The following PAPSS2 variants were observed in gnomAD, a reference collection of about 807,000 sequenced individuals.
PAPSS2 encodes the protein bifunctional 3'-phosphoadenosine 5'-phosphosulfate synthase 2.
PAPSS2 carries 61 observed loss-of-function variants against 66.5 expected under a neutral mutation model. That is an observed-to-expected ratio of 0.92 (90% CI 0.75 to 1.14). The LOEUF (loss-of-function observed/expected upper bound fraction) is 1.14, where lower values mean the gene tolerates loss of function less well. Among genes scored for constraint, PAPSS2 ranks in the 50% most tolerant of loss-of-function variants. The probability of loss-of-function intolerance (pLI) is 0.00; values close to 1 mark genes in which losing one functional copy is unlikely to be tolerated. For synonymous variants in PAPSS2, 289 were observed against 287.5 expected (o/e 1.01, Z -0.05); for missense variants, 708 against 789.6 (o/e 0.90, Z 1.24).
chr10:87,728,468 G>T (rs547721513), intron 9 of PAPSS2, among the ~76,000 whole-genome samples: 1 of 152,130 alleles, frequency 6.6e-6, no homozygotes, highest in East Asian at 1.9e-4. Flanking sequence ...GGCTGGGCGC[G>T]GTGGCTCACG....
chr10:87,687,237 G>A (rs1009028372), intron 1 of PAPSS2, among the ~76,000 whole-genome samples: 6 of 152,064 alleles, frequency 3.9e-5, no homozygotes, highest in African/African-American at 1.4e-4. Context: ...ATATAGTTGA[G>A]CTCAATAAAT....
intron 2 of PAPSS2, among the ~76,000 whole-genome samples, chr10:87,711,168 G>T (rs1338802496): frequency 6.6e-6 from 1 of 152,214 alleles, no homozygotes; most frequent in African/African-American, 2.4e-5. Flanking sequence ...TCCATGAGCT[G>T]TGTGACTTTG....
intron 1 of PAPSS2, among the ~76,000 whole-genome samples, chr10:87,690,963 C>T (rs1293193361): frequency 1.3e-5 from 2 of 152,014 alleles, no homozygotes; most frequent in Non-Finnish European, 2.9e-5. Context: ...AACTTTTGTA[C>T]CATTCTGCTT....
Position 87,727,078 on chromosome 10 carries a change from A to G in PAPSS2, c.881-206A>G, listed in dbSNP as rs116691145. 3.1e-3 allele frequency among the ~76,000 whole-genome samples: 476 copies of G among 152,334 alleles called. 3 individuals carry two copies. The highest frequency in any genetic ancestry group is 0.011 in the African/African-American group (453 of 41,572). ...TTAAAACTCAACCCACTTTTCACAT[A>G]TGCTCCACTTGCTTTGGGAAGCCCT... On this transcript the variant is annotated intron_variant, in intron 8 of 12. Coordinates refer to ENST00000456849, the MANE Select transcript of PAPSS2 (RefSeq NM_001015880.2).
intron 1 of PAPSS2, among the ~76,000 whole-genome samples, chr10:87,698,460 C>A (rs956017022): frequency 6.6e-6 from 1 of 152,064 alleles, no homozygotes; most frequent in African/African-American, 2.4e-5. Flanking sequence ...TTTCTCAAAT[C>A]ATTTCTCTCA....
At chr10:87,706,140 G>GTGTGTGTGTGTGTGTGTA (rs1304990011) in intron 1 of PAPSS2, among the ~76,000 whole-genome samples, 37 of 113,212 alleles carry the variant, frequency 3.3e-4, no homozygotes, top group South Asian at 2.1e-3. Flanking sequence ...GTGTGTGTGT[G>GTGTGTGTGTGTGTGTGTA]TATATATATA....
chr10:87,690,995 A>G (rs574395961), intron 1 of PAPSS2, among the ~76,000 whole-genome samples: 1 of 152,278 alleles, frequency 6.6e-6, no homozygotes, highest in South Asian at 2.1e-4. Flanking sequence ...CATACATCCA[A>G]CTGAGGGAGG....
At chr10:87,683,082 T>C (rs1853043084) in intron 1 of PAPSS2, among the ~76,000 whole-genome samples, 1 of 131,270 alleles carries the variant, frequency 7.6e-6, no homozygotes, top group Non-Finnish European at 1.6e-5. Context: ...TTTCTTTTCC[T>C]TTTTCTTTTT....
intron 2 of PAPSS2, 53 bp downstream of exon 2, chr10:87,709,366 G>A: frequency 9.2e-7 from 1 of 1,085,790 alleles, no homozygotes; most frequent in Non-Finnish European, 1.4e-6. Context: ...ACTGACATGT[G>A]ACACAATTTT....
At chr10:87,688,807 A>G (rs1000326886) in intron 1 of PAPSS2, among the ~76,000 whole-genome samples, 1 of 152,114 alleles carries the variant, frequency 6.6e-6, no homozygotes, top group African/African-American at 2.4e-5. Flanking sequence ...CTTCTTATTC[A>G]GACTTCTTTG....
At chr10:87,706,596 A>C (rs1263825505) in intron 1 of PAPSS2, among the ~76,000 whole-genome samples, 1 of 151,162 alleles carries the variant, frequency 6.6e-6, no homozygotes, top group Non-Finnish European at 1.5e-5. Flanking sequence ...ATCTGTACAA[A>C]AAAAAAAAAA....
chr10:87,728,741 A>AG (rs999111751), intron 9 of PAPSS2, among the ~76,000 whole-genome samples: 20 of 36,616 alleles, frequency 5.5e-4, no homozygotes, highest in African/African-American at 4.2e-3. Context: ...TGTCTGAAAG[A>AG]AAAAAAAAAG....
At chr10:87,712,420 C>A (rs1334264115) in intron 2 of PAPSS2, among the ~76,000 whole-genome samples, 2 of 152,108 alleles carry the variant, frequency 1.3e-5, no homozygotes, top group African/African-American at 2.4e-5. Context: ...TTGATTTTTT[C>A]AAGAGAATAC....
intron 1 of PAPSS2, among the ~76,000 whole-genome samples, chr10:87,683,207 C>T (rs760777405): frequency 8.6e-5 from 13 of 151,830 alleles, no homozygotes; most frequent in Non-Finnish European, 1.3e-4. Flanking sequence ...ATTCTCCTGC[C>T]TCAGCCTCCT....
chr10:87,678,099 T>G (rs777913408), intron 1 of PAPSS2, among the ~76,000 whole-genome samples: 9 of 152,142 alleles, frequency 5.9e-5, no homozygotes, highest in Non-Finnish European at 8.8e-5. Flanking sequence ...TACTATAAAT[T>G]TTTTTGAATA....
chr10:87,701,327 C>CCTTCCTTCCTTTCTTT (rs1354912090), intron 1 of PAPSS2, among the ~76,000 whole-genome samples: 3 of 72,230 alleles, frequency 4.2e-5, no homozygotes, highest in African/African-American at 1.7e-4. Context: ...TTCCTTCCTT[C>CCTTCCTTCCTTTCTTT]CTTTCTTTCT....
At chr10:87,737,372 T>TAA (rs35559193) in intron 9 of PAPSS2, among the ~76,000 whole-genome samples, 2 of 147,714 alleles carry the variant, frequency 1.4e-5, no homozygotes, top group Non-Finnish European at 3.0e-5. Flanking sequence ...GTGGTTCCTC[T>TAA]AAAAAAAAAA....
intron 7 of PAPSS2, among the ~76,000 whole-genome samples, chr10:87,718,076 T>A (rs1853553127): frequency 6.6e-6 from 1 of 151,964 alleles, no homozygotes; most frequent in South Asian, 2.1e-4. Flanking sequence ...AGAGTCTTGC[T>A]CTGTCACCCA....
At chr10:87,718,892 G>A (rs1039007331) in intron 7 of PAPSS2, among the ~76,000 whole-genome samples, 1 of 152,192 alleles carries the variant, frequency 6.6e-6, no homozygotes, top group South Asian at 2.1e-4. Flanking sequence ...GGCTCTGTCA[G>A]GAGGGTTCAA....
Sources: gnomAD v4.1 joint callset for allele counts (sites outside exome capture counted in the v4.1 genomes callset) on GRCh38, gnomAD v4.1.1 for gene constraint, MANE v1.5 for transcripts, NCBI Gene and HGNC (gene_info 2026-07-23, HGNC 2026-07-21) for gene names.